FRMPD4: variants seen among roughly 807,000 people sequenced by gnomAD.
FRMPD4 encodes the protein FERM and PDZ domain-containing protein 4.
FRMPD4 carries 22 observed loss-of-function variants against 94.1 expected under a neutral mutation model. The ratio of observed to expected loss-of-function variants is 0.23; its 90% confidence interval spans 0.17 to 0.33. FRMPD4 has a LOEUF of 0.33. Ranked by LOEUF, FRMPD4 falls within the 10% of genes least tolerant of loss-of-function variation. The pLI, the probability that FRMPD4 is intolerant of heterozygous loss-of-function variation, is 1.00. For synonymous variants in FRMPD4, 631 were observed against 548.6 expected (o/e 1.15, Z -2.10); for missense variants, 1,111 against 1,339.9 (o/e 0.83, Z 2.67).
At chrX:12,070,208 C>G (rs763450011) in intron 3 of FRMPD4, among the ~76,000 whole-genome samples, 23 of 110,553 alleles carry the variant, frequency 2.1e-4, no homozygotes, top group Non-Finnish European at 4.4e-4. Context: ...GTCCAGCAGG[C>G]AGGTGGAAAG....
intron 2 of FRMPD4, among the ~76,000 whole-genome samples, chrX:12,534,727 G>A (rs918242937): frequency 1.1e-4 from 12 of 112,668 alleles, no homozygotes; most frequent in Non-Finnish European, 1.9e-4. Context: ...TCCCATTTGG[G>A]ATGGCTATAT....
At chrX:11,980,052 T>A (rs1047830932) in intron 3 of FRMPD4, among the ~76,000 whole-genome samples, 1 of 111,984 alleles carries the variant, frequency 8.9e-6, no homozygotes, top group African/African-American at 3.2e-5. Context: ...CACATGTGTA[T>A]GTGGTAGATT....
chrX:12,695,980 C>T (rs755322646), intron 9 of FRMPD4, among the ~76,000 whole-genome samples: 43 of 111,429 alleles, frequency 3.9e-4, no homozygotes, highest in South Asian at 7.7e-4. Flanking sequence ...AGGTGATCTG[C>T]CCACCTCAGT....
intron 4 of FRMPD4, among the ~76,000 whole-genome samples, chrX:12,617,054 T>G (rs750002943): frequency 3.6e-5 from 4 of 112,031 alleles, no homozygotes; most frequent in African/African-American, 6.5e-5. Flanking sequence ...ATATTTTATT[T>G]CTGGTTTAAC....
chrX:12,337,745 G>A (rs975524855), intron 1 of FRMPD4, among the ~76,000 whole-genome samples: 1 of 112,029 alleles, frequency 8.9e-6, no homozygotes, highest in Non-Finnish European at 1.9e-5. Flanking sequence ...TTTTTTATAT[G>A]GTTAGATTGT....
chrX:12,592,981 TCTC>T (rs1234983891), intron 2 of FRMPD4, among the ~76,000 whole-genome samples: 1 of 111,843 alleles, frequency 8.9e-6, no homozygotes. Flanking sequence ...CAGGCACCTT[TCTC>T]CTCAATTCTT....
intron 3 of FRMPD4, among the ~76,000 whole-genome samples, chrX:12,128,146 A>G (rs2055516681): frequency 2.7e-5 from 3 of 112,333 alleles, no homozygotes. Context: ...CACAGCTCCA[A>G]CCCCACATTT....
intron 2 of FRMPD4, among the ~76,000 whole-genome samples, chrX:12,514,996 T>A (rs2058081469): frequency 8.9e-6 from 1 of 112,116 alleles, no homozygotes; most frequent in Non-Finnish European, 1.9e-5. Flanking sequence ...TTTTCTAGTT[T>A]GTTTGCATAG....
intron 3 of FRMPD4, among the ~76,000 whole-genome samples, chrX:12,065,482 C>A (rs892070592): frequency 1.8e-5 from 2 of 112,117 alleles, no homozygotes; most frequent in African/African-American, 6.5e-5. Context: ...TTCGGGCTGG[C>A]TGACTAGATG....
chrX:12,657,538 A>G (rs778953540), intron 4 of FRMPD4, among the ~76,000 whole-genome samples: 5 of 111,291 alleles, frequency 4.5e-5, no homozygotes, highest in Non-Finnish European at 9.4e-5. Flanking sequence ...ACATTCTCTC[A>G]CTTCTGCCAT....
intron 1 of FRMPD4, among the ~76,000 whole-genome samples, chrX:12,267,332 G>A (rs905085823): frequency 8.9e-6 from 1 of 112,006 alleles, no homozygotes. Flanking sequence ...CTAAATAATG[G>A]TTGTTTGATT....
chrX:12,281,040 G>A (rs2054516147), intron 1 of FRMPD4, among the ~76,000 whole-genome samples: 1 of 111,757 alleles, frequency 8.9e-6, no homozygotes, highest in Non-Finnish European at 1.9e-5. Context: ...AAATGAAAAC[G>A]AAAACAAAAC....
In FRMPD4 at chrX:12,118,427, G is replaced by A. The variant is rs150798718; in HGVS notation, c.95+240409G>A. 4.6e-3 allele frequency among the ~76,000 whole-genome samples: 513 copies of A among 112,342 alleles called. 2 individuals carry two copies. The highest frequency in any genetic ancestry group is 0.018 in the Middle Eastern group (4 of 219). Reference sequence around the variant, plus strand: ...CTTTTGCTTAAAAAAATGAAAGTCCGCAGCAGGCGACTGCTGGCTGTTAAC... The same window carrying A: ...CTTTTGCTTAAAAAAATGAAAGTCCACAGCAGGCGACTGCTGGCTGTTAAC... On this transcript the variant is annotated intron_variant, in intron 3 of 18. Coordinates refer to the FRMPD4 transcript ENST00000640291.
intron 3 of FRMPD4, among the ~76,000 whole-genome samples, chrX:12,036,792 A>T (rs1029350324): frequency 8.9e-6 from 1 of 111,892 alleles, no homozygotes; most frequent in Non-Finnish European, 1.9e-5. Context: ...TTATTTATGC[A>T]TGATCCCTTT....
At chrX:12,221,723 GA>G (rs1372879257) in intron 1 of FRMPD4, among the ~76,000 whole-genome samples, 1 of 111,850 alleles carries the variant, frequency 8.9e-6, no homozygotes, top group Non-Finnish European at 1.9e-5. Context: ...TCATGAAGAG[GA>G]AATATGAAAT....
At chrX:11,848,192 G>A (rs2053593474) in intron 1 of FRMPD4, among the ~76,000 whole-genome samples, 1 of 110,758 alleles carries the variant, frequency 9.0e-6, no homozygotes, top group South Asian at 3.8e-4. Flanking sequence ...GAGTTTCTGT[G>A]TTTGCTGATT....
chrX:12,498,810 A>G lies in FRMPD4; in HGVS notation c.158+14A>G. The stretch of plus-strand genomic sequence containing the variant: ...CTACTTCATCAAGTAGGTTAAACAG[A>G]TGGCATGAACAATAGAATCCTTGGC... On this transcript the variant is annotated intron_variant, in intron 2 of 16. Transcript: ENST00000675598. The G allele has an allele frequency of 1.1e-6, 1 of 888,178 alleles. No individual in the cohort carries two copies. Among genetic ancestry groups the G allele is most frequent in the Non-Finnish European group, 1.6e-6 (1 of 611,672 alleles). The allele number at this position is 888,178 out of a possible 1,213,427, so 73.2% of individuals were successfully genotyped here. A position where few individuals can be genotyped will look rare whatever the true frequency, so the allele number is the denominator to read the frequency against.
intron 1 of FRMPD4, among the ~76,000 whole-genome samples, chrX:12,266,842 A>G (rs189101322): frequency 1.8e-5 from 2 of 112,138 alleles, no homozygotes; most frequent in South Asian, 3.8e-4. Flanking sequence ...ACTGAATTAG[A>G]TGTGGTTACA....
intron 3 of FRMPD4, among the ~76,000 whole-genome samples, chrX:11,990,389 T>C (rs1385762383): frequency 8.9e-6 from 1 of 112,287 alleles, no homozygotes; most frequent in Non-Finnish European, 1.9e-5. Flanking sequence ...ATGTGGTGGT[T>C]GCATAACATT....
Sources: allele counts gnomAD v4.1 joint callset (sites outside exome capture counted in the v4.1 genomes callset), GRCh38; gene constraint gnomAD v4.1.1; transcripts MANE v1.5; gene names NCBI Gene and HGNC (gene_info 2026-07-23, HGNC 2026-07-21).